Variants in EDARADD observed in about 807,000 individuals in gnomAD.
EDARADD encodes EDAR associated via death domain.
A neutral mutation model predicts 25.6 loss-of-function variants in EDARADD; 20 were observed. The observed-to-expected ratio is 0.78, with a 90% CI of 0.55 to 1.14. The LOEUF (loss-of-function observed/expected upper bound fraction) is 1.14. Ranked by LOEUF, EDARADD falls within the 50% of genes most tolerant of loss-of-function variation. EDARADD has a pLI of 0.00. For missense variants in EDARADD, 225 were observed against 270.1 expected (o/e 0.83, Z 1.17); for synonymous variants, 86 against 94.4 (o/e 0.91, Z 0.52).
chr1:236,441,457 ATAT>A (rs1658399063), intron 4 of EDARADD, among the ~76,000 whole-genome samples: 2 of 145,950 alleles, frequency 1.4e-5, no homozygotes, highest in East Asian at 2.0e-4. Flanking sequence ...AGTAAAAGAA[ATAT>A]TATATATTAT....
intron 4 of EDARADD, among the ~76,000 whole-genome samples, chr1:236,455,753 G>T (rs1658840943): frequency 6.6e-6 from 1 of 152,216 alleles, no homozygotes; most frequent in Non-Finnish European, 1.5e-5. Context: ...AGAAGGGAGA[G>T]GAAATCTCAA....
At chr1:236,358,511 G>A (rs1013492278) in intron 3 of EDARADD, among the ~76,000 whole-genome samples, 4 of 152,214 alleles carry the variant, frequency 2.6e-5, no homozygotes, top group African/African-American at 7.2e-5. Flanking sequence ...GGCATTTAGT[G>A]CTATAAATTT....
At chr1:236,462,908 C>A (rs980928885) in intron 4 of EDARADD, among the ~76,000 whole-genome samples, 1 of 152,180 alleles carries the variant, frequency 6.6e-6, no homozygotes, top group African/African-American at 2.4e-5. Flanking sequence ...ATGTTTGAAA[C>A]AACCCATGTC....
At chr1:236,413,204 G>C (rs1657544396) in intron 2 of EDARADD, among the ~76,000 whole-genome samples, 1 of 152,232 alleles carries the variant, frequency 6.6e-6, no homozygotes, top group Non-Finnish European at 1.5e-5. Context: ...GTACAGGTTT[G>C]TGTTCCTCGG....
chr1:236,428,664 G>C (rs79881482), intron 4 of EDARADD, among the ~76,000 whole-genome samples: 1 of 128,654 alleles, frequency 7.8e-6, no homozygotes, highest in Non-Finnish European at 1.7e-5. Flanking sequence ...GATGGCGGCC[G>C]GGAAGAGGCG....
In EDARADD at chr1:236,483,098, A is replaced by G; in HGVS notation, c.*449A>G. The stretch of plus-strand genomic sequence containing the variant: ...AAGAAAACAGCTACAAGGAATGCTT[A>G]CCTGAGTGTCTGCAGCACCCTCCAC... On this transcript the variant is annotated 3_prime_UTR_variant, in exon 6 of 6. Transcript: ENST00000334232. The G allele has an allele frequency of 9.6e-7, 1 of 1,042,478 alleles. No homozygotes were observed. Among genetic ancestry groups the G allele is most frequent in the Non-Finnish European group, 1.5e-6 (1 of 684,214 alleles). The allele number at this position is 1,042,478 out of a possible 1,614,324, so 64.6% of individuals were successfully genotyped here.
intron 3 of EDARADD, among the ~76,000 whole-genome samples, chr1:236,418,524 C>T (rs1241919215): frequency 2.0e-5 from 3 of 152,176 alleles, no homozygotes; most frequent in Non-Finnish European, 4.4e-5. Context: ...GGATTACAGG[C>T]GTGAGCCACC....
chr1:236,471,669 G>A (rs1460337152), intron 5 of EDARADD, among the ~76,000 whole-genome samples: 1 of 152,042 alleles, frequency 6.6e-6, no homozygotes, highest in African/African-American at 2.4e-5. Context: ...ACTCTCTAAT[G>A]GTTTTGAACT....
chr1:236,447,105 T>G lies in EDARADD; in HGVS notation c.219+19655T>G, dbSNP rs140134656. 2.9e-3 allele frequency among the ~76,000 whole-genome samples: 438 copies of G among 152,224 alleles called. 2 individuals are homozygous for G. Among genetic ancestry groups the G allele is most frequent in the South Asian group, 0.014 (68 of 4,820 alleles). ...CCTGGGCAGTGCCTCTTCTTTTCTT[T>G]TCTTTCTTCCTTCCTTCCTCTCTCT... On this transcript the variant is annotated intron_variant, in intron 4 of 5. Transcript: ENST00000334232.
intron 3 of EDARADD, among the ~76,000 whole-genome samples, chr1:236,419,401 A>G (rs993283820): frequency 6.6e-6 from 1 of 152,140 alleles, no homozygotes; most frequent in African/African-American, 2.4e-5. Context: ...CCATCTCAAC[A>G]AAAACAAAAC....
intron 3 of EDARADD, among the ~76,000 whole-genome samples, chr1:236,377,280 C>T (rs889160637): frequency 4.6e-5 from 7 of 150,956 alleles, no homozygotes; most frequent in South Asian, 4.2e-4. Context: ...CTCAGCCCCC[C>T]GAGTAGTTGG....
intron 2 of EDARADD, among the ~76,000 whole-genome samples, chr1:236,349,263 C>G (rs943245968): frequency 2.2e-5 from 3 of 134,962 alleles, no homozygotes; most frequent in Admixed American, 1.4e-4. Context: ...CTCCATCTCC[C>G]GGGTTCAAAG....
At chr1:236,457,691 T>C (rs1424613331) in intron 4 of EDARADD, among the ~76,000 whole-genome samples, 1 of 151,746 alleles carries the variant, frequency 6.6e-6, no homozygotes, top group Non-Finnish European at 1.5e-5. Flanking sequence ...TAGTGGTGCA[T>C]GCCTGTAATC....
intron 3 of EDARADD, among the ~76,000 whole-genome samples, chr1:236,421,660 G>C (rs766985102): frequency 4.0e-5 from 6 of 151,764 alleles, no homozygotes; most frequent in Non-Finnish European, 8.8e-5. Flanking sequence ...ACCACGCCTG[G>C]CTAAGTTTTG....
At chr1:236,413,709 A>G (rs1345526663) in intron 2 of EDARADD, among the ~76,000 whole-genome samples, 1 of 152,216 alleles carries the variant, frequency 6.6e-6, no homozygotes, top group Non-Finnish European at 1.5e-5. Flanking sequence ...AATTCCTGTA[A>G]CAGTATTACT....
At chr1:236,368,329 T>C (rs1006169926) in intron 3 of EDARADD, among the ~76,000 whole-genome samples, 1 of 152,162 alleles carries the variant, frequency 6.6e-6, no homozygotes, top group Admixed American at 6.5e-5. Flanking sequence ...AATCTTTACT[T>C]CAGCCAAGTG....
chr1:236,418,330 T>A (rs1329359436), intron 3 of EDARADD, among the ~76,000 whole-genome samples: 1 of 151,718 alleles, frequency 6.6e-6, no homozygotes, highest in African/African-American at 2.4e-5. Flanking sequence ...CTGCAACCTT[T>A]GCCTCCCAGG....
rs184564671 is a variant in EDARADD, at chr1:236,358,882, C to A, written c.-6+8043C>A. Among the ~76,000 whole-genome samples the A allele has an allele frequency of 2.6e-5, 4 of 152,234 alleles. No homozygotes were observed. The East Asian group carries it at 7.7e-4, about 29-fold the overall frequency. On this transcript the variant is annotated intron_variant, in intron 3 of 7. Coordinates refer to the EDARADD transcript ENST00000439430. Reference sequence around the variant, plus strand: ...GGTGGAGAGTTCTGTAGATATCTATCAGGTCCACTTGATCCAGAGCTGAGT... The same window carrying A: ...GGTGGAGAGTTCTGTAGATATCTATAAGGTCCACTTGATCCAGAGCTGAGT...
At chr1:236,457,526 T>C (rs1658902484) in intron 4 of EDARADD, among the ~76,000 whole-genome samples, 1 of 141,148 alleles carries the variant, frequency 7.1e-6, no homozygotes, top group South Asian at 2.3e-4. Context: ...CTAAAAAACA[T>C]AAAATAAAAA....
Sources: gnomAD v4.1 joint callset for allele counts (sites outside exome capture counted in the v4.1 genomes callset) on GRCh38, gnomAD v4.1.1 for gene constraint, MANE v1.5 for transcripts, NCBI Gene and HGNC (gene_info 2026-07-23, HGNC 2026-07-21) for gene names.